The following CELF2 variants were observed in gnomAD, a reference collection of about 807,000 sequenced individuals.
CELF2 encodes CUG triplet repeat RNA-binding protein 2.
In CELF2, 8 loss-of-function variants were observed where a neutral mutation model predicts 62.6. The observed-to-expected ratio is 0.13, with a 90% CI of 0.07 to 0.23. The LOEUF (loss-of-function observed/expected upper bound fraction) is 0.23, where lower values mean the gene tolerates loss of function less well. CELF2 is among the 10% of genes least tolerant of loss of function. The probability of loss-of-function intolerance (pLI) is 1.00; values close to 1 mark genes in which losing one functional copy is unlikely to be tolerated. For missense variants in CELF2, 333 were observed against 671.0 expected, an observed-to-expected ratio of 0.50 and a Z score of 5.56; for synonymous variants, 258 against 250.0, an observed-to-expected ratio of 1.03 and a Z score of -0.30.
intron 1 of CELF2, among the ~76,000 whole-genome samples, chr10:11,161,835 T>C (rs1248275170): frequency 6.6e-6 from 1 of 152,178 alleles, no homozygotes; most frequent in Non-Finnish European, 1.5e-5. Context: ...TTCCTGTAAT[T>C]ACTTCTCTTT....
intron 1 of CELF2, among the ~76,000 whole-genome samples, chr10:11,064,641 A>G (rs112890575): frequency 5.6e-4 from 86 of 152,270 alleles, no homozygotes; most frequent in African/African-American, 1.9e-3. Flanking sequence ...AAATGTCTCA[A>G]TCCCCTTTTG....
the CELF2 span, among the ~76,000 whole-genome samples, chr10:10,478,753 CCAGA>C: frequency 4.6e-5 from 7 of 152,048 alleles, no homozygotes; most frequent in Non-Finnish European, 7.4e-5. Flanking sequence ...TTATTTGGCC[CCAGA>C]CACTTTTGGA....
the CELF2 span, among the ~76,000 whole-genome samples, chr10:10,632,081 C>T: frequency 2.0e-5 from 3 of 152,148 alleles, no homozygotes; most frequent in Non-Finnish European, 4.4e-5. Flanking sequence ...TCAAAGTGAC[C>T]CATCCTCATC....
chr10:10,701,937 G>A, the CELF2 span, among the ~76,000 whole-genome samples: 1 of 152,164 alleles, frequency 6.6e-6, no homozygotes, highest in African/African-American at 2.4e-5. Flanking sequence ...AACTTCTCCT[G>A]CGAAAAGTGC....
At chr10:10,873,536 C>T (rs1351062073) in intron 1 of CELF2, among the ~76,000 whole-genome samples, 1 of 152,172 alleles carries the variant, frequency 6.6e-6, no homozygotes, top group Non-Finnish European at 1.5e-5. Context: ...AATTGCAGTT[C>T]ATATTGTTGA....
In CELF2 at chr10:10,928,030, T is replaced by C. The variant is rs2065709527; in HGVS notation, c.89+8031T>C. Among the ~76,000 whole-genome samples, 1 of 152,220 alleles carries C rather than the reference T, an allele frequency of 6.6e-6. No homozygotes were observed. Among genetic ancestry groups the C allele is most frequent in the Admixed American group, 6.5e-5 (1 of 15,284 alleles). On this transcript the variant is annotated intron_variant, in intron 2 of 13. Coordinates refer to the CELF2 transcript ENST00000636488. This position sits in a 1 kb window ranked among gnomAD's most constrained non-coding sequence, Gnocchi z 4.8. ...CCTGCTACTTTCTTTCTCATTTATT[T>C]TGCTTCTGACACACCGGCCTTTCTC... is the stretch of plus-strand genomic sequence containing the variant.
At chr10:11,232,332 G>T (rs1002260359) in intron 3 of CELF2, among the ~76,000 whole-genome samples, 1 of 152,170 alleles carries the variant, frequency 6.6e-6, no homozygotes, top group Non-Finnish European at 1.5e-5. Context: ...CTATCTCTCA[G>T]TGACACATTT....
intron 1 of CELF2, among the ~76,000 whole-genome samples, chr10:10,807,871 T>G (rs2055397534): frequency 6.6e-6 from 1 of 152,194 alleles, no homozygotes; most frequent in South Asian, 2.1e-4. Context: ...AAAACCTGAC[T>G]CAGTTCATTA....
the CELF2 span, among the ~76,000 whole-genome samples, chr10:10,541,747 G>A: frequency 6.6e-6 from 1 of 152,148 alleles, no homozygotes; most frequent in Non-Finnish European, 1.5e-5. Context: ...GGTTTTGGTG[G>A]GTTTTGACCG....
intron 1 of CELF2, among the ~76,000 whole-genome samples, chr10:11,049,465 C>T (rs1341466955): frequency 1.4e-5 from 2 of 144,174 alleles, no homozygotes; most frequent in African/African-American, 2.6e-5. Flanking sequence ...AGGTCAAGGA[C>T]GTAGTCTGTG....
At chr10:11,007,383 A>T (rs966760246) in intron 1 of CELF2, among the ~76,000 whole-genome samples, 11 of 152,218 alleles carry the variant, frequency 7.2e-5, no homozygotes, top group Non-Finnish European at 1.6e-4. Flanking sequence ...TTAAGTTGAA[A>T]TGTTACAAAA....
intron 1 of CELF2, among the ~76,000 whole-genome samples, chr10:10,818,860 G>A (rs763190131): frequency 6.6e-6 from 1 of 152,320 alleles, no homozygotes; most frequent in South Asian, 2.1e-4. Flanking sequence ...TTACAGGCAT[G>A]AGCCACCATG....
intron 1 of CELF2, among the ~76,000 whole-genome samples, chr10:10,891,514 T>G (rs2062140801): frequency 6.6e-6 from 1 of 151,888 alleles, no homozygotes. Context: ...AGCTTGTAAT[T>G]TCATCCTTGC....
the CELF2 span, among the ~76,000 whole-genome samples, chr10:10,611,547 A>G: frequency 0.03 from 4,544 of 152,252 alleles, 206 homozygotes; most frequent in African/African-American, 0.1. Context: ...AACAAAACGT[A>G]ACTGAGATCA....
chr10:10,616,295 GGTGTGTGTGT>G, the CELF2 span, among the ~76,000 whole-genome samples: 8 of 143,862 alleles, frequency 5.6e-5, no homozygotes, highest in African/African-American at 7.7e-5. Flanking sequence ...TTTTGTTTGG[GGTGTGTGTGT>G]GTGTGTGTGT....
At chr10:11,301,589 C>T (rs989912389) in intron 9 of CELF2, among the ~76,000 whole-genome samples, 3 of 145,206 alleles carry the variant, frequency 2.1e-5, no homozygotes, top group Non-Finnish European at 3.0e-5. Flanking sequence ...TTCTCCAGGA[C>T]GGGCTTGGAC....
chr10:10,985,426 A>G (rs2052631060), intron 2 of CELF2, among the ~76,000 whole-genome samples: 1 of 152,166 alleles, frequency 6.6e-6, no homozygotes, highest in South Asian at 2.1e-4. Context: ...GCATTATCAT[A>G]AGTTTGATAG....
the CELF2 span, among the ~76,000 whole-genome samples, chr10:10,506,247 A>G: frequency 6.7e-6 from 1 of 149,646 alleles, no homozygotes; most frequent in African/African-American, 2.5e-5. Flanking sequence ...ACCAGCTCTC[A>G]TCAAATTCTT....
chr10:10,556,138 C>T, the CELF2 span, among the ~76,000 whole-genome samples: 105 of 152,190 alleles, frequency 6.9e-4, no homozygotes, highest in Non-Finnish European at 3.7e-4. Flanking sequence ...CCCACTAACT[C>T]GTCATCTAGC....
Sources: gnomAD v4.1 joint callset for allele counts (sites outside exome capture counted in the v4.1 genomes callset) on GRCh38, gnomAD v4.1.1 for gene constraint, Gnocchi (gnomAD v3.1) non-coding constraint, MANE v1.5 for transcripts, NCBI Gene and HGNC (gene_info 2026-07-23, HGNC 2026-07-21) for gene names.